PDSS2: variants seen among roughly 807,000 people sequenced by gnomAD.
PDSS2 encodes all trans-polyprenyl-diphosphate synthase PDSS2.
Under a neutral mutation model 44.5 loss-of-function variants are expected in PDSS2, and 31 were observed. That is an observed-to-expected ratio of 0.70 (90% CI 0.52 to 0.94). The LOEUF (loss-of-function observed/expected upper bound fraction) is 0.94, where lower values mean the gene tolerates loss of function less well. Ranked by LOEUF, PDSS2 falls within the 40% of genes least tolerant of loss-of-function variation. The pLI, the probability that PDSS2 is intolerant of heterozygous loss-of-function variation, is 0.00. For synonymous variants in PDSS2, 157 were observed against 180.3 expected (o/e 0.87, Z 1.03); for missense variants, 452 against 482.2 (o/e 0.94, Z 0.59).
At position 107,425,961 on chromosome 6, in the gene PDSS2, GAAA is replaced by G. The variant is rs111535075; in HGVS notation, c.296+33026_296+33028del. Among the ~76,000 whole-genome samples the G allele has an allele frequency of 2.4e-4, 27 of 114,088 alleles. 1 individual carries two copies. The East Asian group carries it at 3.6e-3, about 15-fold the overall frequency. 74.8% of individuals were successfully genotyped at this position (114,088 alleles called of 152,430 possible). The stretch of plus-strand genomic sequence containing the variant: ...GGGCGACAGAGCGAGACTTCGTCTC[GAAA>G]AAAAAAAAAAAAGAAAATCCCATTT... On this transcript the variant is annotated intron_variant, in intron 1 of 7. Transcript: ENST00000369037.
intron 1 of PDSS2, among the ~76,000 whole-genome samples, chr6:107,422,250 A>G (rs942630617): frequency 6.6e-6 from 1 of 151,962 alleles, no homozygotes; most frequent in African/African-American, 2.4e-5. Flanking sequence ...AAAAGACTCA[A>G]TCTCATTAGT....
chr6:107,224,405 G>T (rs952164762), intron 4 of PDSS2, among the ~76,000 whole-genome samples: 1 of 151,384 alleles, frequency 6.6e-6, no homozygotes. Context: ...GTAGAAGTGG[G>T]AGTTGTTTCC....
intron 7 of PDSS2, among the ~76,000 whole-genome samples, chr6:107,181,395 T>C (rs1771972237): frequency 6.6e-6 from 1 of 151,032 alleles, no homozygotes; most frequent in African/African-American, 2.4e-5. Context: ...TAGCCTGGCA[T>C]GGCAGTGGGC....
chr6:107,171,413 T>C (rs1554248578), intron 7 of PDSS2, among the ~76,000 whole-genome samples: 1 of 152,184 alleles, frequency 6.6e-6, no homozygotes, highest in African/African-American at 2.4e-5. Context: ...TCCTCCTGCC[T>C]CAGCCTCCCA....
intron 4 of PDSS2, among the ~76,000 whole-genome samples, chr6:107,217,337 A>C (rs1217324522): frequency 2.0e-5 from 3 of 152,176 alleles, no homozygotes; most frequent in Non-Finnish European, 4.4e-5. Context: ...GGATGGGCTC[A>C]ATGTAATCAT....
At chr6:107,193,592 C>T (rs150900203) in intron 7 of PDSS2, among the ~76,000 whole-genome samples, 30 of 152,056 alleles carry the variant, frequency 2.0e-4, no homozygotes, top group African/African-American at 7.0e-4. Flanking sequence ...TCTAGTTGAC[C>T]GTTGTATTCT....
chr6:107,209,813 C>T (rs563671988), intron 6 of PDSS2, among the ~76,000 whole-genome samples: 104 of 151,856 alleles, frequency 6.8e-4, no homozygotes, highest in Non-Finnish European at 1.2e-3. Flanking sequence ...ATTACAGCCA[C>T]GAAGTTAAAT....
chr6:107,352,423 TTC>T (rs1006635016), intron 1 of PDSS2, among the ~76,000 whole-genome samples: 28 of 152,220 alleles, frequency 1.8e-4, no homozygotes, highest in African/African-American at 6.0e-4. Context: ...CTATTAAAAA[TTC>T]TCTTTTATGA....
At chr6:107,420,969 T>C (rs192680691) in intron 1 of PDSS2, among the ~76,000 whole-genome samples, 1 of 152,272 alleles carries the variant, frequency 6.6e-6, no homozygotes, top group African/African-American at 2.4e-5. Context: ...CTATCCAGAA[T>C]ATGTAAAGAA....
intron 4 of PDSS2, among the ~76,000 whole-genome samples, chr6:107,232,615 T>A (rs2114741285): frequency 6.6e-6 from 1 of 152,368 alleles, no homozygotes; most frequent in East Asian, 1.9e-4. Flanking sequence ...CTTCCAGTTA[T>A]TTCTCTTGTT....
intron 7 of PDSS2, among the ~76,000 whole-genome samples, chr6:107,159,156 C>G (rs555837007): frequency 3.3e-5 from 5 of 152,142 alleles, no homozygotes; most frequent in Admixed American, 2.0e-4. Context: ...GACTTAGTTT[C>G]CCTTCATTAA....
At position 107,152,656 on chromosome 6, in the gene PDSS2, T is replaced by C. The variant is rs1419876661; in HGVS notation, c.*1963A>G. ...ATTGTACAGATGAGAAAATTGAGGC[T>C]CAGAAGGAAGTGACTTGTGCAAGGT... On this transcript the variant is annotated 3_prime_UTR_variant, in exon 8 of 8. Coordinates refer to ENST00000369037, the MANE Select transcript of PDSS2 (RefSeq NM_020381.4). 5 of 152,108 alleles carry C rather than the reference T, an allele frequency of 3.3e-5. No homozygotes were observed. Among genetic ancestry groups the C allele is most frequent in the African/African-American group, 1.2e-4 (5 of 41,424 alleles). 9.4% of individuals were successfully genotyped at this position (152,108 alleles called of 1,614,324 possible).
chr6:107,403,282 C>T (rs1439689322), intron 1 of PDSS2, among the ~76,000 whole-genome samples: 1 of 152,200 alleles, frequency 6.6e-6, no homozygotes, highest in African/African-American at 2.4e-5. Context: ...GTCTCACATC[C>T]AGGTCACGCT....
intron 1 of PDSS2, among the ~76,000 whole-genome samples, chr6:107,446,592 C>G (rs927339601): frequency 1.3e-5 from 2 of 152,090 alleles, no homozygotes; most frequent in Non-Finnish European, 2.9e-5. Flanking sequence ...CTGGGTAATT[C>G]ATAAAGAAAA....
chr6:107,229,248 G>T (rs1003295217), intron 4 of PDSS2, among the ~76,000 whole-genome samples: 2 of 152,130 alleles, frequency 1.3e-5, no homozygotes, highest in African/African-American at 4.8e-5. Flanking sequence ...GTGCAATGGC[G>T]TGATCTCGGC....
chr6:107,175,697 A>T (rs1224431513), intron 7 of PDSS2, among the ~76,000 whole-genome samples: 1 of 152,216 alleles, frequency 6.6e-6, no homozygotes, highest in East Asian at 1.9e-4. Flanking sequence ...TAAAAATGCC[A>T]TATGGTTGTA....
chr6:107,306,436 C>T (rs1776861944), intron 2 of PDSS2, among the ~76,000 whole-genome samples: 1 of 152,180 alleles, frequency 6.6e-6, no homozygotes, highest in East Asian at 1.9e-4. Flanking sequence ...TGTGAGGCTT[C>T]CCCAGCCACG....
chr6:107,376,997 A>G (rs1171851746), intron 1 of PDSS2, among the ~76,000 whole-genome samples: 1 of 151,630 alleles, frequency 6.6e-6, no homozygotes, highest in African/African-American at 2.4e-5. Context: ...TCATGTCTAA[A>G]ACACCAAAAG....
intron 3 of PDSS2, among the ~76,000 whole-genome samples, chr6:107,247,624 G>A (rs1397403575): frequency 6.6e-6 from 1 of 152,104 alleles, no homozygotes; most frequent in African/African-American, 2.4e-5. Flanking sequence ...AGTTGAAACT[G>A]TTCCAGATAA....
Sources: gnomAD v4.1 joint callset for allele counts (sites outside exome capture counted in the v4.1 genomes callset) on GRCh38, gnomAD v4.1.1 for gene constraint, MANE v1.5 for transcripts, NCBI Gene and HGNC (gene_info 2026-07-23, HGNC 2026-07-21) for gene names.